SLC12A5: variants seen among roughly 807,000 people sequenced by gnomAD.
SLC12A5 encodes K-Cl cotransporter 2.
Under a neutral mutation model 124.0 loss-of-function variants are expected in SLC12A5, and 18 were observed. That is an observed-to-expected ratio of 0.15 (90% CI 0.10 to 0.22). The LOEUF is 0.22. Ranked by LOEUF, SLC12A5 falls within the 10% of genes least tolerant of loss-of-function variation. The pLI, the probability that SLC12A5 is intolerant of heterozygous loss-of-function variation, is 1.00. For synonymous variants in SLC12A5, 589 were observed against 568.0 expected (o/e 1.04, Z -0.53); for missense variants, 867 against 1,478.7 (o/e 0.59, Z 6.78).
chr20:46,047,313 A>G, intron 14 of SLC12A5, 141 bp from the exon 15 acceptor site: 2 of 1,043,222 alleles, frequency 1.9e-6, no homozygotes, highest in Non-Finnish European at 2.8e-6. Context: ...CATGGGGATG[A>G]TGGTGTGAGT....
upstream of SLC12A5, among the ~76,000 whole-genome samples, chr20:46,026,882 C>T (rs756464247): frequency 1.2e-4 from 19 of 152,096 alleles, no homozygotes; most frequent in Non-Finnish European, 2.4e-4. Flanking sequence ...TGCCTTCACC[C>T]GTACTCCCTA....
At chr20:46,055,780 T>C (rs1417535964) in intron 21 of SLC12A5, 2 of 243,944 alleles carry the variant, frequency 8.2e-6, no homozygotes, top group African/African-American at 4.5e-5. Context: ...GGGTACCACT[T>C]TGAGATGGGA....
rs745806832 is a variant in SLC12A5 at position 46,053,166 on chromosome 20, G to A, written c.2547+40G>A. 2 of 1,575,334 alleles carry A rather than the reference G, an allele frequency of 1.3e-6. No homozygotes were observed. Among genetic ancestry groups the A allele is most frequent in the South Asian group, 2.3e-5 (2 of 88,474 alleles). On this transcript the variant is annotated intron_variant, in intron 19 of 25. Coordinates refer to ENST00000243964, the MANE Select transcript of SLC12A5 (RefSeq NM_020708.5). The surrounding 1 kb of genome is among the most constrained non-coding windows in gnomAD (Gnocchi z 4.7). Reference sequence around the variant, plus strand: ...TGAGTGTATGCACGTGTGAGTGTGTGTATGCATGTATGCATTTGTGTGCAT... The same window carrying A: ...TGAGTGTATGCACGTGTGAGTGTGTATATGCATGTATGCATTTGTGTGCAT...
At chr20:46,039,818 AACAACAATAAAAAACCAACT>A (rs1267738791) in intron 6 of SLC12A5, among the ~76,000 whole-genome samples, 3 of 151,954 alleles carry the variant, frequency 2.0e-5, no homozygotes, top group African/African-American at 4.8e-5. Flanking sequence ...AAAAACCAAC[AACAACAATAAAAAACCAACT>A]ACATCATCTT....
chr20:46,040,750 G>A (rs1249731965), intron 7 of SLC12A5, 136 bp downstream of exon 7: 4 of 1,361,114 alleles, frequency 2.9e-6, no homozygotes, highest in Non-Finnish European at 3.0e-6. Context: ...TCCCTTGGGA[G>A]GGAAAATCTC....
intron 11 of SLC12A5, among the ~76,000 whole-genome samples, chr20:46,044,533 TC>T (rs1296728868): frequency 2.0e-5 from 3 of 152,170 alleles, no homozygotes; most frequent in African/African-American, 7.2e-5. Context: ...GGAAGGGCAT[TC>T]CAGGCAATGG....
intron 16 of SLC12A5, among the ~76,000 whole-genome samples, chr20:46,049,249 G>A (rs894470498): frequency 6.6e-6 from 1 of 152,244 alleles, no homozygotes; most frequent in South Asian, 2.1e-4. Context: ...TGCATAAATA[G>A]ATGGGTAGAT....
chr20:46,035,212 C>G (rs1320076816), intron 2 of SLC12A5, 170 bp downstream of exon 2: 2 of 986,580 alleles, frequency 2.0e-6, no homozygotes, highest in Non-Finnish European at 1.6e-6. Flanking sequence ...GATTTACTCC[C>G]TCTGCTCCCT....
Position 46,057,456 on chromosome 20 carries a change from G to A in SLC12A5, c.3260-58G>A. 6.2e-7 allele frequency: 1 copy of A among 1,606,544 alleles called. No individual in the cohort carries two copies. Among genetic ancestry groups the A allele is most frequent in the Non-Finnish European group, 8.5e-7 (1 of 1,173,334 alleles). On this transcript the variant is annotated intron_variant, in intron 25 of 25. Coordinates refer to ENST00000243964, the MANE Select transcript of SLC12A5 (RefSeq NM_020708.5). The surrounding 1 kb of genome is among the most constrained non-coding windows in gnomAD (Gnocchi z 7.1). The stretch of plus-strand genomic sequence containing the variant: ...GAGAGGTCCCCTGGCAGCCGAGCGC[G>A]ACCCCAATTTCGTCGGGAGGGAAGG...
At position 46,043,234 on chromosome 20, in the gene SLC12A5, C is replaced by T. The variant is rs201727005; in HGVS notation, c.1148C>T (p.Thr383Ile). Residue 383 changes from threonine to isoleucine, a missense_variant, in exon 9 of 26, where the codon ACT becomes ATT. This residue lies in a region of SLC12A5 where 127 missense variants were observed against 164.1 expected (regional missense o/e 0.77). Transcript: ENST00000243964. ...ACCTCGGTGGGCCTGGCCGATGGCA[C>T]TCCTATCGACATGGACCACCCTTAT... ...GMTSVGLADGTPIDMDHPYVF... is the reference protein window; with the variant it reads ...GMTSVGLADGIPIDMDHPYVF... 125 of 1,613,826 alleles carry T rather than the reference C, an allele frequency of 7.7e-5. 1 individual carries two copies. The East Asian group carries it at 2.7e-3, about 35-fold the overall frequency.
In SLC12A5 at chr20:46,056,210, C is replaced by T. The variant is rs1254654686; in HGVS notation, c.2848C>T (p.Arg950Trp). Residue 950 changes from arginine to tryptophan, a missense_variant, in exon 22 of 26, where the codon CGG becomes TGG. By Grantham distance (101) the Arg-to-Trp change is moderately radical. Coordinates refer to ENST00000243964, the MANE Select transcript of SLC12A5 (RefSeq NM_020708.5). The surrounding 1 kb of genome is among the most constrained non-coding windows in gnomAD (Gnocchi z 4.3). The stretch of plus-strand genomic sequence containing the variant: ...CCGGAGAAAGAATCCAGCCAACACG[C>T]GGCTCCGCCTGAACGTCCCAGAAGA... The part of the protein sequence containing the change: ...SIRRKNPANT[R>W]LRLNVPEETA... 7.4e-6 allele frequency: 12 copies of T among 1,614,082 alleles called. No homozygotes were observed. The highest frequency in any genetic ancestry group is 2.2e-5 in the South Asian group (2 of 91,088).
chr20:46,034,841 A>G, intron 1 of SLC12A5, 107 bp from the exon 2 acceptor site: 4 of 980,194 alleles, frequency 4.1e-6, no homozygotes, highest in South Asian at 1.4e-5. Flanking sequence ...CATTTTCCCA[A>G]TGCGCGAACT....
At position 46,023,148 on chromosome 20, in the gene SLC12A5, C is replaced by T. The variant is rs12479993; in HGVS notation, c.190+77C>T. Reference sequence around the variant, plus strand: ...TAGGGGGTTATCTGGCGGACCTCCTCATTGTACAGATGACCAAATTGAGGC... The same window carrying T: ...TAGGGGGTTATCTGGCGGACCTCCTTATTGTACAGATGACCAAATTGAGGC... On this transcript the variant is annotated intron_variant, in intron 2 of 2. Coordinates refer to the SLC12A5 transcript ENST00000413737. 0.029 allele frequency: 11,635 copies of T among 398,070 alleles called. 345 individuals are homozygous for T. The highest frequency in any genetic ancestry group is 0.13 in the Admixed American group (2,885 of 22,718). The allele number at this position is 398,070 out of a possible 1,614,324, so 24.7% of individuals were successfully genotyped here. A position where few individuals can be genotyped will look rare whatever the true frequency, so the allele number is the denominator to read the frequency against.
Position 46,045,167 on chromosome 20 carries a change from C to A in SLC12A5, c.1569+27C>A, listed in dbSNP as rs750439025. 2.0e-6 allele frequency: 3 copies of A among 1,535,038 alleles called. No individual in the cohort carries two copies. Among genetic ancestry groups the A allele is most frequent in the Non-Finnish European group, 2.6e-6 (3 of 1,145,180 alleles). On this transcript the variant is annotated intron_variant, in intron 12 of 25. Coordinates refer to ENST00000243964, the MANE Select transcript of SLC12A5 (RefSeq NM_020708.5). The surrounding 1 kb of genome is among the most constrained non-coding windows in gnomAD (Gnocchi z 4.9). ...TCAGTGTGGGAGAAGAACAGCCCACCCTCAGTAGACCAGCCAGGCCCCTGC... is the reference window on the plus strand; with the variant it reads ...TCAGTGTGGGAGAAGAACAGCCCACACTCAGTAGACCAGCCAGGCCCCTGC...
rs767460134 is a variant in SLC12A5 at position 46,035,824 on chromosome 20, G to A, written c.327G>A (p.Gln109=). Residue 109 remains glutamine (Q), a synonymous_variant, in exon 4 of 26, where the codon CAG becomes CAA. Coordinates refer to ENST00000243964, the MANE Select transcript of SLC12A5 (RefSeq NM_020708.5). ...TGGGCGTGTACCTGCCGTGCCTGCA[G>A]AACATCTTTGGCGTCATCCTCTTCC... ...TFMGVYLPCL[Q]NIFGVILFLR... The A allele has an allele frequency of 1.9e-6, 3 of 1,614,146 alleles. No individual in the cohort carries two copies. The highest frequency in any genetic ancestry group is 1.7e-6 in the Non-Finnish European group (2 of 1,179,994).
At chr20:46,044,925 C>A in intron 11 of SLC12A5, 41 bp from the exon 12 acceptor site, 1 of 1,611,934 alleles carries the variant, frequency 6.2e-7, no homozygotes. Context: ...GAAATCCAGG[C>A]AGCACTGCTC....
intron 9 of SLC12A5, among the ~76,000 whole-genome samples, 153 bp from the exon 10 acceptor site, chr20:46,043,480 G>C (rs533852842): frequency 2.6e-5 from 4 of 152,314 alleles, no homozygotes; most frequent in South Asian, 2.1e-4. Context: ...TTAAGGCCAG[G>C]AGAAGCTAAG....
rs1338364362 is a variant in SLC12A5, at chr20:46,055,043, C to A, written c.2787+20C>A. 6.3e-7 allele frequency: 1 copy of A among 1,585,342 alleles called. No homozygotes were observed. The highest frequency in any genetic ancestry group is 8.7e-7 in the Non-Finnish European group (1 of 1,154,070). ...CGGGAGGTGAGGTTGCCCTGGCTGG[C>A]CCCTGAGAGCCTCAAACTGCTGCCA... On this transcript the variant is annotated intron_variant, in intron 21 of 25. Transcript: ENST00000243964.
chr20:46,053,535 A>T lies in SLC12A5; in HGVS notation c.2548-43A>T. ...GGGCCTGGCCCTGGATCTCCTCATC[A>T]CATCTGGGCTGGACCTTTCTGAATC... On this transcript the variant is annotated intron_variant, in intron 19 of 25. Coordinates refer to ENST00000243964, the MANE Select transcript of SLC12A5 (RefSeq NM_020708.5). This position sits in a 1 kb window ranked among gnomAD's most constrained non-coding sequence, Gnocchi z 4.7. 6.2e-7 allele frequency: 1 copy of T among 1,609,946 alleles called. No individual in the cohort carries two copies. The highest frequency in any genetic ancestry group is 8.5e-7 in the Non-Finnish European group (1 of 1,178,626).
Sources: gnomAD v4.1 joint callset for allele counts (sites outside exome capture counted in the v4.1 genomes callset) on GRCh38, gnomAD v4.1.1 for gene constraint, gnomAD v4.1.1 regional missense constraint, Gnocchi (gnomAD v3.1) non-coding constraint, MANE v1.5 for transcripts, NCBI Gene and HGNC (gene_info 2026-07-23, HGNC 2026-07-21) for gene names.